ABCC4: variants seen among roughly 807,000 people sequenced by gnomAD.
The protein encoded by ABCC4 is ATP binding cassette subfamily C member 4 (PEL blood group).
In ABCC4, 102 loss-of-function variants were observed where a neutral mutation model predicts 168.5. The ratio of observed to expected loss-of-function variants is 0.61; its 90% confidence interval spans 0.52 to 0.71. The LOEUF is 0.71. ABCC4 is among the 30% of genes least tolerant of loss of function. The pLI is 0.00. For missense variants in ABCC4, 1,402 were observed against 1,605.8 expected (o/e 0.87, Z 2.17); for synonymous variants, 617 against 590.7 (o/e 1.04, Z -0.65).
chr13:95,123,737 C>G (rs140087819), intron 19 of ABCC4, among the ~76,000 whole-genome samples: 36 of 152,294 alleles, frequency 2.4e-4, no homozygotes, highest in African/African-American at 7.7e-4. Context: ...TAGAGTGACA[C>G]AACCCGACAT....
chr13:95,180,698 G>T (rs372093025), intron 11 of ABCC4, among the ~76,000 whole-genome samples: 52 of 152,248 alleles, frequency 3.4e-4, no homozygotes, highest in African/African-American at 1.2e-3. Context: ...CATTGCTGAT[G>T]GTCTTTATAT....
chr13:95,257,732 C>T (rs1350651535), intron 1 of ABCC4, among the ~76,000 whole-genome samples: 1 of 152,008 alleles, frequency 6.6e-6, no homozygotes, highest in Non-Finnish European at 1.5e-5. Flanking sequence ...AGTTCAAACC[C>T]TTGTTGTTCA....
intron 29 of ABCC4, among the ~76,000 whole-genome samples, chr13:95,036,991 C>T (rs934435544): frequency 5.2e-4 from 75 of 143,802 alleles, no homozygotes; most frequent in African/African-American, 1.5e-3. Context: ...GGCTAAGGCA[C>T]GAGAATCACT....
intron 19 of ABCC4, among the ~76,000 whole-genome samples, chr13:95,145,632 AAG>A (rs1566462605): frequency 6.6e-6 from 1 of 151,658 alleles, no homozygotes. Flanking sequence ...AAAAAAAAAA[AAG>A]AGACACATGC....
In ABCC4 at chr13:95,207,809, T is replaced by A; in HGVS notation, c.902A>T (p.Asn301Ile). The A allele has an allele frequency of 6.2e-7, 1 of 1,611,468 alleles. No homozygotes were observed. The highest frequency in any genetic ancestry group is 8.5e-7 in the Non-Finnish European group (1 of 1,179,066). Reference sequence around the variant, plus strand: ...GTATACAAAAACTTACTTTCTCAAATTGGTAATAAGATTTGAAAATGACTT... The same window carrying A: ...GTATACAAAAACTTACTTTCTCAAAATGGTAATAAGATTTGAAAATGACTT... ...WEKSFSNLITNLRKKEISKIL... is the reference protein window; with the variant it reads ...WEKSFSNLITILRKKEISKIL... Residue 301 changes from asparagine (N) to isoleucine (I), a missense_variant, in exon 7 of 31, where the codon AAT becomes ATT. Physicochemically the swap from Asn to Ile is moderately radical, Grantham distance 149 (BLOSUM62 -3). Around this residue, in one of 3 missense-constraint regions of ABCC4, gnomAD observed 78 missense variants for 133.0 expected, o/e 0.59. Transcript: ENST00000645237.
chr13:95,051,940 C>T (rs749367844), intron 27 of ABCC4, among the ~76,000 whole-genome samples: 1 of 152,160 alleles, frequency 6.6e-6, no homozygotes, highest in Non-Finnish European at 1.5e-5. Flanking sequence ...GCTGGGATTA[C>T]AGGCATGAGC....
At chr13:95,130,997 G>A (rs1482735583) in intron 19 of ABCC4, among the ~76,000 whole-genome samples, 1 of 151,796 alleles carries the variant, frequency 6.6e-6, no homozygotes, top group Admixed American at 6.6e-5. Flanking sequence ...TATCACTTTT[G>A]TAGACTCTTG....
At chr13:95,055,051 T>C (rs958368981) in intron 26 of ABCC4, among the ~76,000 whole-genome samples, 1 of 152,168 alleles carries the variant, frequency 6.6e-6, no homozygotes, top group Non-Finnish European at 1.5e-5. Context: ...CCAAAAGCAC[T>C]GAAAAGTCAC....
chr13:95,088,511 ATAT>A (rs2139344723), intron 20 of ABCC4, among the ~76,000 whole-genome samples: 1 of 152,332 alleles, frequency 6.6e-6, no homozygotes, highest in Non-Finnish European at 1.5e-5. Context: ...CAAGAGACAG[ATAT>A]TATACAGAAT....
At chr13:95,095,827 A>G (rs1594086227) in intron 20 of ABCC4, 1 of 257,854 alleles carries the variant, frequency 3.9e-6, no homozygotes, top group Admixed American at 5.4e-5. Flanking sequence ...AAAGATAAGC[A>G]TTAGTACAGA....
At chr13:95,075,351 C>CTGTT (rs2139315671) in intron 22 of ABCC4, 81 bp downstream of exon 22, 1 of 1,581,250 alleles carries the variant, frequency 6.3e-7, no homozygotes, top group Non-Finnish European at 8.6e-7. Context: ...TGCCTGCCAA[C>CTGTT]AAGCTCATCT....
chr13:95,174,644 C>T (rs1406760700), intron 13 of ABCC4, among the ~76,000 whole-genome samples: 5 of 152,224 alleles, frequency 3.3e-5, no homozygotes, highest in Admixed American at 1.3e-4. Flanking sequence ...CACACTGATA[C>T]TCAGCAATGA....
intron 9 of ABCC4, among the ~76,000 whole-genome samples, chr13:95,192,614 G>A (rs1260583102): frequency 1.3e-5 from 2 of 152,162 alleles, no homozygotes; most frequent in East Asian, 3.9e-4. Flanking sequence ...AGAGCTGTCT[G>A]TCAATGCTTG....
chr13:95,151,536 TGAA>T (rs1196558696), intron 19 of ABCC4, among the ~76,000 whole-genome samples: 1 of 83,092 alleles, frequency 1.2e-5, no homozygotes, highest in Non-Finnish European at 2.1e-5. Flanking sequence ...GGAAGAAGAA[TGAA>T]GAAGGAAGGA....
chr13:95,257,424 T>C (rs75166455), intron 1 of ABCC4, among the ~76,000 whole-genome samples: 6,635 of 152,110 alleles, frequency 0.044, 178 homozygotes, highest in Middle Eastern at 0.092. Flanking sequence ...TCCCAGCACT[T>C]TGGGAGGCCG....
chr13:95,181,726 C>T (rs994980765), intron 11 of ABCC4, among the ~76,000 whole-genome samples: 2 of 152,146 alleles, frequency 1.3e-5, no homozygotes, highest in East Asian at 1.9e-4. Context: ...AGTGAGAGCA[C>T]GTAACTGGAC....
chr13:95,076,353 C>G (rs1407875212), intron 21 of ABCC4, among the ~76,000 whole-genome samples: 1 of 152,178 alleles, frequency 6.6e-6, no homozygotes, highest in Admixed American at 6.5e-5. Flanking sequence ...CAGAATCTGA[C>G]TGTGGTCTCA....
Position 95,044,326 on chromosome 13 carries a change from G to T in ABCC4, c.3569C>A (p.Ala1190Glu), listed in dbSNP as rs1235810047. The change falls in exon 28 of 31, where the codon GCA becomes GAA. Residue 1190 changes from alanine to glutamate, a missense_variant. Around this residue, in one of 3 missense-constraint regions of ABCC4, gnomAD observed 1,007 missense variants for 1,127.3 expected, o/e 0.89. Transcript: ENST00000645237. ...CAATATCTGATTTTTCCTGAGAATT[G>T]CCCTGGCAAGGCACACCAGTTGTCT... ...GQRQLVCLARAILRKNQILII... is the reference protein window; with the variant it reads ...GQRQLVCLAREILRKNQILII... 3 of 1,613,372 alleles carry T rather than the reference G, an allele frequency of 1.9e-6. No homozygotes were observed. Among genetic ancestry groups the T allele is most frequent in the South Asian group, 1.1e-5 (1 of 90,902 alleles).
chr13:95,184,942 C>G (rs1343488411), intron 11 of ABCC4, among the ~76,000 whole-genome samples: 1 of 152,152 alleles, frequency 6.6e-6, no homozygotes, highest in African/African-American at 2.4e-5. Context: ...ACTGAAATCA[C>G]CTTGTATATT....
Sources: allele counts gnomAD v4.1 joint callset (sites outside exome capture counted in the v4.1 genomes callset), GRCh38; gene constraint gnomAD v4.1.1; regional missense constraint gnomAD v4.1.1; transcripts MANE v1.5; gene names NCBI Gene and HGNC (gene_info 2026-07-23, HGNC 2026-07-21).